The following TTC6 variants were observed in gnomAD, a reference collection of about 807,000 sequenced individuals.
TTC6 encodes tetratricopeptide repeat protein 6.
A neutral mutation model predicts 210.4 loss-of-function variants in TTC6; 172 were observed. The observed-to-expected ratio is 0.82, with a 90% CI of 0.72 to 0.93. TTC6 has a LOEUF of 0.93. TTC6 is among the 40% of genes least tolerant of loss of function. The pLI is 0.00. For missense variants in TTC6, 2,414 were observed against 2,318.1 expected (o/e 1.04, Z -0.85); for synonymous variants, 804 against 819.6 (o/e 0.98, Z 0.32).
intron 1 of TTC6, among the ~76,000 whole-genome samples, 191 bp from the exon 2 acceptor site, chr14:37,606,472 T>C (rs983867371): frequency 5.9e-5 from 9 of 152,134 alleles, no homozygotes; most frequent in African/African-American, 1.7e-4. Context: ...TTCCCCTCTC[T>C]GTCTCTACAG....
chr14:37,662,079 A>G (rs1407808983), intron 1 of TTC6, among the ~76,000 whole-genome samples: 1 of 152,192 alleles, frequency 6.6e-6, no homozygotes, highest in African/African-American at 2.4e-5. Flanking sequence ...TTCTAGATAT[A>G]GGATCATGTC....
chr14:37,622,518 CTGCCTCCGCCCGAGCCACCCG>C, exon 1 of TTC6: 2 of 1,535,188 alleles, frequency 1.3e-6, no homozygotes, highest in Non-Finnish European at 1.7e-6. Flanking sequence ...CGTGGTCCTG[CTGCCTCCGCCCGAGCCACCCG>C]TGAAGCGCAG....
chr14:37,816,821 C>T (rs555697047), intron 25 of TTC6, among the ~76,000 whole-genome samples: 13 of 152,214 alleles, frequency 8.5e-5, no homozygotes, highest in African/African-American at 2.9e-4. Context: ...TCAAATATTT[C>T]TGTAGGACTT....
intron 26 of TTC6, among the ~76,000 whole-genome samples, chr14:37,821,480 C>A (rs1008044910): frequency 3.3e-5 from 5 of 152,184 alleles, no homozygotes; most frequent in African/African-American, 1.2e-4. Flanking sequence ...AAGGCAGCAT[C>A]TGATTCCCAT....
At chr14:37,681,267 A>G (rs1044390165) in intron 2 of TTC6, among the ~76,000 whole-genome samples, 3 of 152,180 alleles carry the variant, frequency 2.0e-5, no homozygotes, top group Non-Finnish European at 4.4e-5. Context: ...TAACAGGTAT[A>G]GTAAACTGAA....
At chr14:37,782,708 T>G (rs1452287673) in intron 14 of TTC6, among the ~76,000 whole-genome samples, 1 of 152,186 alleles carries the variant, frequency 6.6e-6, no homozygotes, top group Non-Finnish European at 1.5e-5. Context: ...CTTGTGCCAG[T>G]TTTCAAAGGG....
rs2095941655 is a variant in TTC6, at chr14:37,748,180, G to GATATTCACTAGAATGT, written c.2364-759_2364-758insATATTCACTAGAATGT. 2.0e-5 allele frequency among the ~76,000 whole-genome samples: 3 copies of GATATTCACTAGAATGT among 152,276 alleles called. No homozygotes were observed. In the South Asian group the frequency reaches 6.2e-4, roughly 32 times the overall value. On this transcript the variant is annotated intron_variant, in intron 10 of 30. Transcript: ENST00000553443. ...GGTGGCTTGCACTAGAATGTGGAAAGGAATAGATAACTTATGAAAGTAAGG... is the reference window on the plus strand; with the variant it reads ...GGTGGCTTGCACTAGAATGTGGAAAGATATTCACTAGAATGTGAATAGATAACTTATGAAAGTAAGG...
chr14:37,719,127 T>A (rs2095857352), intron 6 of TTC6, among the ~76,000 whole-genome samples: 1 of 152,084 alleles, frequency 6.6e-6, no homozygotes, highest in African/African-American at 2.4e-5. Context: ...AAAACTGAAA[T>A]AATCAAGTGT....
intron 1 of TTC6, among the ~76,000 whole-genome samples, chr14:37,648,492 G>A (rs2095705636): frequency 6.6e-6 from 1 of 152,062 alleles, no homozygotes; most frequent in African/African-American, 2.4e-5. Flanking sequence ...GTCTTCATAG[G>A]TGAGATTGTG....
upstream of TTC6, among the ~76,000 whole-genome samples, chr14:37,618,153 A>C (rs755810548): frequency 6.6e-6 from 1 of 152,232 alleles, no homozygotes; most frequent in African/African-American, 2.4e-5. Context: ...TTCCAACAGG[A>C]GAAATAGACA....
intron 2 of TTC6, among the ~76,000 whole-genome samples, chr14:37,607,557 T>C (rs2095627329): frequency 6.6e-6 from 1 of 152,186 alleles, no homozygotes; most frequent in African/African-American, 2.4e-5. Context: ...TGCATACTTC[T>C]ATGTAGGAAA....
intron 1 of TTC6, among the ~76,000 whole-genome samples, chr14:37,646,210 A>G (rs2095701348): frequency 6.6e-6 from 1 of 152,180 alleles, no homozygotes; most frequent in South Asian, 2.1e-4. Flanking sequence ...GTGAAGTTGG[A>G]ATGTGTGCCA....
upstream of TTC6, among the ~76,000 whole-genome samples, chr14:37,619,435 C>A (rs1036215929): frequency 6.6e-6 from 1 of 152,038 alleles, no homozygotes; most frequent in Admixed American, 6.6e-5. Flanking sequence ...ATGAGTCCAA[C>A]TAAGAAATGT....
chr14:37,619,656 C>A (rs1396389614), upstream of TTC6, among the ~76,000 whole-genome samples: 3 of 151,834 alleles, frequency 2.0e-5, no homozygotes, highest in Admixed American at 6.6e-5. Context: ...ATATTTAATC[C>A]TTTTTCTCAC....
intron 24 of TTC6, among the ~76,000 whole-genome samples, chr14:37,809,338 C>T (rs549333685): frequency 4.0e-5 from 6 of 149,860 alleles, no homozygotes; most frequent in Admixed American, 2.0e-4. Flanking sequence ...CTGCAACCTC[C>T]GCCTCCCGGG....
intron 29 of TTC6, chr14:37,837,624 C>T (rs2096200861): frequency 4.1e-6 from 1 of 241,368 alleles, no homozygotes; most frequent in South Asian, 4.1e-5. Context: ...CTATTTTCTG[C>T]ATATTGTTCT....
intron 7 of TTC6, among the ~76,000 whole-genome samples, chr14:37,729,648 CCT>C (rs2095880898): frequency 6.6e-6 from 1 of 152,276 alleles, no homozygotes; most frequent in East Asian, 1.9e-4. Flanking sequence ...CCTAATCCTT[CCT>C]CTCTCATCCC....
intron 1 of TTC6, among the ~76,000 whole-genome samples, chr14:37,630,925 TTTTTTTTTTTTTTTTTTTTTTTG>T (rs1263012873): frequency 5.1e-5 from 5 of 98,654 alleles, no homozygotes; most frequent in African/African-American, 1.8e-4. Context: ...TTTTTTTTTT[TTTTTTTTTTTTTTTTTTTTTTTG>T]CTTTCATTTG....
rs776663508 is a variant in TTC6, at chr14:37,634,930, C to CT, written c.939+11936dup. 7.9e-4 allele frequency among the ~76,000 whole-genome samples: 119 copies of CT among 151,522 alleles called. No individual in the cohort carries two copies. The Middle Eastern group carries it at 0.014, about 17-fold the overall frequency. On this transcript the variant is annotated intron_variant, in intron 1 of 30. Transcript: ENST00000553443. ...CATTCTCAGATGAAGTAAAGTAGGACTTTTTTTTTCCAGCAGTTCTACCCT... is the reference window on the plus strand; with the variant it reads ...CATTCTCAGATGAAGTAAAGTAGGACTTTTTTTTTTCCAGCAGTTCTACCCT...
Sources: gnomAD v4.1 joint callset for allele counts (sites outside exome capture counted in the v4.1 genomes callset) on GRCh38, gnomAD v4.1.1 for gene constraint, MANE v1.5 for transcripts, NCBI Gene and HGNC (gene_info 2026-07-23, HGNC 2026-07-21) for gene names.